Variants in SUCLG2 observed in about 807,000 individuals in gnomAD.
SUCLG2 encodes the protein succinate--CoA ligase [GDP-forming] subunit beta, mitochondrial.
A neutral mutation model predicts 47.9 loss-of-function variants in SUCLG2; 42 were observed. That is an observed-to-expected ratio of 0.88 (90% confidence interval 0.69 to 1.14). SUCLG2 has a LOEUF of 1.14. Ranked by LOEUF, SUCLG2 falls within the 50% of genes most tolerant of loss-of-function variation. The probability of loss-of-function intolerance (pLI) is 0.00; values close to 1 mark genes in which losing one functional copy is unlikely to be tolerated. For synonymous variants in SUCLG2, 195 were observed against 197.3 expected, an observed-to-expected ratio of 0.99 and a Z score of 0.10; for missense variants, 571 against 525.9, an observed-to-expected ratio of 1.09 and a Z score of -0.84.
intron 9 of SUCLG2, among the ~76,000 whole-genome samples, chr3:67,414,597 AT>A (rs1702997558): frequency 6.6e-6 from 1 of 152,236 alleles, no homozygotes; most frequent in African/African-American, 2.4e-5. Flanking sequence ...TGCCATGCGA[AT>A]GTAGGCCTTT....
intron 1 of SUCLG2, among the ~76,000 whole-genome samples, chr3:67,617,630 C>A (rs1165792393): frequency 6.6e-6 from 1 of 152,154 alleles, no homozygotes; most frequent in East Asian, 1.9e-4. Flanking sequence ...AATTAATTAG[C>A]CCCCTGTGGC....
At chr3:67,601,808 C>T (rs781574973) in intron 2 of SUCLG2, among the ~76,000 whole-genome samples, 5 of 151,872 alleles carry the variant, frequency 3.3e-5, no homozygotes, top group Non-Finnish European at 7.4e-5. Context: ...ATGGCGAAAC[C>T]CCGTGTCTAT....
chr3:67,499,435 A>G (rs532046721), intron 7 of SUCLG2, among the ~76,000 whole-genome samples: 3 of 152,254 alleles, frequency 2.0e-5, no homozygotes, highest in African/African-American at 7.2e-5. Flanking sequence ...AAAGACCAAG[A>G]CTGGTCAGTC....
intron 6 of SUCLG2, among the ~76,000 whole-genome samples, chr3:67,511,272 C>G (rs1457780480): frequency 6.6e-6 from 1 of 152,162 alleles, no homozygotes; most frequent in Non-Finnish European, 1.5e-5. Flanking sequence ...AATTCACAAT[C>G]ATTAGCCATT....
At chr3:67,440,012 G>A (rs1285231670) in intron 9 of SUCLG2, among the ~76,000 whole-genome samples, 1 of 152,074 alleles carries the variant, frequency 6.6e-6, no homozygotes, top group African/African-American at 2.4e-5. Flanking sequence ...AAAACAGCAT[G>A]GTATTAGTAC....
At chr3:67,453,262 T>G (rs1283212212) in intron 9 of SUCLG2, among the ~76,000 whole-genome samples, 1 of 152,132 alleles carries the variant, frequency 6.6e-6, no homozygotes, top group Non-Finnish European at 1.5e-5. Flanking sequence ...TTCTTATTGA[T>G]AGTCTAAAAC....
At chr3:67,482,218 G>A (rs898506655) in intron 9 of SUCLG2, among the ~76,000 whole-genome samples, 1 of 152,128 alleles carries the variant, frequency 6.6e-6, no homozygotes, top group Admixed American at 6.5e-5. Context: ...AAGAGAGGGA[G>A]GGAGGGAAGG....
At chr3:67,604,910 ATATCT>A (rs1283477539) in intron 2 of SUCLG2, among the ~76,000 whole-genome samples, 23 of 152,220 alleles carry the variant, frequency 1.5e-4, no homozygotes, top group African/African-American at 5.1e-4. Flanking sequence ...AGGTAAGCAA[ATATCT>A]TTCAATTATT....
chr3:67,574,212 C>T (rs1707688092), intron 2 of SUCLG2, among the ~76,000 whole-genome samples: 1 of 152,156 alleles, frequency 6.6e-6, no homozygotes, highest in Non-Finnish European at 1.5e-5. Context: ...TAGATTGGGT[C>T]CCCCTAGTAA....
chr3:67,570,590 G>T (rs1292376199), intron 2 of SUCLG2, among the ~76,000 whole-genome samples: 1 of 152,228 alleles, frequency 6.6e-6, no homozygotes, highest in Non-Finnish European at 1.5e-5. Context: ...CACAGAGGCT[G>T]AAATCAACCA....
intron 5 of SUCLG2, among the ~76,000 whole-genome samples, chr3:67,519,333 G>T (rs187102688): frequency 6.6e-6 from 1 of 152,226 alleles, no homozygotes; most frequent in East Asian, 1.9e-4. Context: ...TGGAAAAACT[G>T]GATAAACAAT....
intron 9 of SUCLG2, among the ~76,000 whole-genome samples, chr3:67,486,050 C>T (rs996279144): frequency 2.6e-5 from 4 of 152,262 alleles, no homozygotes; most frequent in African/African-American, 7.2e-5. Flanking sequence ...AGAGGCAGAT[C>T]GCTTGAGCCC....
At chr3:67,441,533 A>G (rs1703764046) in intron 9 of SUCLG2, among the ~76,000 whole-genome samples, 1 of 152,168 alleles carries the variant, frequency 6.6e-6, no homozygotes, top group African/African-American at 2.4e-5. Flanking sequence ...CCTAACCAAC[A>G]GTTTGTAACC....
chr3:67,488,510 T>G (rs138297418), intron 9 of SUCLG2, among the ~76,000 whole-genome samples: 7 of 152,190 alleles, frequency 4.6e-5, no homozygotes, highest in African/African-American at 1.7e-4. Context: ...TTCTGAATGA[T>G]TTTCCTAAGT....
chr3:67,590,286 AATG>A (rs1382930098), intron 2 of SUCLG2, among the ~76,000 whole-genome samples: 1 of 152,218 alleles, frequency 6.6e-6, no homozygotes, highest in East Asian at 1.9e-4. Context: ...AGCAAGTGAG[AATG>A]ATGATAATTT....
At chr3:67,427,813 T>C (rs1346480475) in intron 9 of SUCLG2, among the ~76,000 whole-genome samples, 1 of 152,194 alleles carries the variant, frequency 6.6e-6, no homozygotes, top group East Asian at 1.9e-4. Context: ...ACCAGGAGAT[T>C]ATGTCCCATG....
chr3:67,623,305 A>C (rs145140216), intron 1 of SUCLG2, among the ~76,000 whole-genome samples: 8,701 of 152,114 alleles, frequency 0.057, 340 homozygotes, highest in African/African-American at 0.11. Context: ...TCGAGACCAT[A>C]CTGGCTAATA....
chr3:67,383,711 G>GA (rs1702206515), intron 10 of SUCLG2, among the ~76,000 whole-genome samples: 1 of 152,130 alleles, frequency 6.6e-6, no homozygotes, highest in Admixed American at 6.5e-5. Context: ...CATATTCACT[G>GA]AGAGCTGATG....
At chr3:67,581,405 G>C (rs1486428074) in intron 2 of SUCLG2, among the ~76,000 whole-genome samples, 2 of 152,186 alleles carry the variant, frequency 1.3e-5, no homozygotes, top group Non-Finnish European at 2.9e-5. Flanking sequence ...GGACTGGAAG[G>C]TCTGTCAATG....
Sources: allele counts gnomAD v4.1 joint callset (sites outside exome capture counted in the v4.1 genomes callset), GRCh38; gene constraint gnomAD v4.1.1; transcripts MANE v1.5; gene names NCBI Gene and HGNC (gene_info 2026-07-23, HGNC 2026-07-21).